Variants in TTC34 observed in about 807,000 individuals in gnomAD.
TTC34 encodes the protein tetratricopeptide repeat protein 34.
A neutral mutation model predicts 40.7 loss-of-function variants in TTC34; 44 were observed. The observed-to-expected ratio is 1.08, with a 90% CI of 0.85 to 1.39. TTC34 has a LOEUF of 1.39. TTC34 is among the 40% of genes most tolerant of loss of function. The pLI, the probability that TTC34 is intolerant of heterozygous loss-of-function variation, is 0.00. For missense variants in TTC34, 884 were observed against 838.0 expected (o/e 1.05, Z -0.68); for synonymous variants, 422 against 398.6 (o/e 1.06, Z -0.70).
At chr1:2,653,218 C>T (rs541625765) in intron 6 of TTC34, among the ~76,000 whole-genome samples, 5 of 146,496 alleles carry the variant, frequency 3.4e-5, no homozygotes, top group Middle Eastern at 8.4e-3. Context: ...CCCAGGTGAA[C>T]ATCTGACAGA....
rs72849544 is a variant in TTC34 at position 2,644,294 on chromosome 1, C to G, written c.2682G>C (p.Leu894=). The change falls in exon 8 of 9, where the codon CTG becomes CTC. Residue 894 remains leucine (L), a synonymous_variant. Transcript: ENST00000401095. ...CAAGGCTCTGCCGCTCCGAGGCCTCCAGGAGATGCAGCAGGCAGCTGAGAT... is the reference window on the plus strand; with the variant it reads ...CAAGGCTCTGCCGCTCCGAGGCCTCGAGGAGATGCAGCAGGCAGCTGAGAT... 3.3e-3 allele frequency: 5,099 copies of G among 1,535,368 alleles called. 133 individuals are homozygous for G. The African/African-American group carries it at 0.059, about 18-fold the overall frequency.
At chr1:2,686,737 CT>C (rs1640371091) in intron 6 of TTC34, among the ~76,000 whole-genome samples, 1 of 145,316 alleles carries the variant, frequency 6.9e-6, no homozygotes, top group African/African-American at 2.6e-5. Flanking sequence ...AGGCGAGCAT[CT>C]GACAGCCTGG....
At chr1:2,750,336 C>G (rs1308324581) in intron 6 of TTC34, among the ~76,000 whole-genome samples, 1 of 68,466 alleles carries the variant, frequency 1.5e-5, no homozygotes, top group Admixed American at 1.9e-4. Flanking sequence ...CCAGGTGAGC[C>G]TCTGACAGCC....
At chr1:2,769,711 C>T (rs1373662704) in intron 6 of TTC34, among the ~76,000 whole-genome samples, 6 of 144,868 alleles carry the variant, frequency 4.1e-5, no homozygotes, top group African/African-American at 1.6e-4. Context: ...AGCACCCACA[C>T]CCCCAGGTGA....
chr1:2,637,996 G>A (rs1455933368), exon 9 of TTC34: 1 of 152,198 alleles, frequency 6.6e-6, no homozygotes, highest in Non-Finnish European at 1.5e-5. Flanking sequence ...GGTTCTCTGA[G>A]CCTCTCCTTC....
chr1:2,753,312 G>T (rs1208600109), intron 6 of TTC34, among the ~76,000 whole-genome samples: 1 of 121,298 alleles, frequency 8.2e-6, no homozygotes, highest in Non-Finnish European at 1.6e-5. Context: ...GTGAGCATCC[G>T]ACAGCCTGGA....
At chr1:2,790,240 G>A (rs1643648301) in exon 3 of TTC34, 1 of 398,422 alleles carries the variant, frequency 2.5e-6, no homozygotes, top group East Asian at 3.6e-5. Context: ...CCCCAGAGGG[G>A]CTCTCGCGGA....
Position 2,800,449 on chromosome 1 carries a change from C to T in TTC34, c.379G>A (p.Ala127Thr), listed in dbSNP as rs892714601. 10 of 398,526 alleles carry T rather than the reference C, an allele frequency of 2.5e-5. 1 individual carries two copies. In the Middle Eastern group the frequency reaches 1.9e-3, roughly 75 times the overall value. The allele number at this position is 398,526 out of a possible 1,614,324, so 24.7% of individuals were successfully genotyped here. ...TGCTGTGCATGAGAGTCCAGCAGGG[C>T]GCTGCAGCGTTGCACCACTTCTTCG... The change falls in exon 2 of 9, where the codon GCC becomes ACC. Residue 127 changes from alanine (A) to threonine (T), a missense_variant. Coordinates refer to ENST00000401095, the Ensembl canonical transcript of TTC34.
intron 6 of TTC34, among the ~76,000 whole-genome samples, chr1:2,760,940 G>C (rs1410342955): frequency 5.4e-5 from 3 of 55,720 alleles, no homozygotes; most frequent in Non-Finnish European, 8.8e-5. Flanking sequence ...GTGAGCATCT[G>C]ACAGCCTGGA....
chr1:2,781,439 G>A (rs1348452424), intron 6 of TTC34, among the ~76,000 whole-genome samples: 2 of 152,006 alleles, frequency 1.3e-5, no homozygotes, highest in African/African-American at 4.8e-5. Context: ...TTTGTGTGTG[G>A]AATCTTTAGG....
At chr1:2,748,481 C>G in intron 6 of TTC34, among the ~76,000 whole-genome samples, 2 of 151,668 alleles carry the variant, frequency 1.3e-5, no homozygotes, top group African/African-American at 2.4e-5. Flanking sequence ...CACCCCACAT[C>G]CCCGGGTGAG....
At chr1:2,654,771 ACCCCGGGGCG>A (rs1639281733) in intron 6 of TTC34, among the ~76,000 whole-genome samples, 1,472 of 39,942 alleles carry the variant, frequency 0.037, no homozygotes, top group Middle Eastern at 0.1. Context: ...CAGCAACCAC[ACCCCGGGGCG>A]AGCATCTGAC....
At chr1:2,641,300 G>C (rs1238182999) in exon 9 of TTC34, 1 of 1,437,034 alleles carries the variant, frequency 7.0e-7, no homozygotes, top group Non-Finnish European at 9.1e-7. Flanking sequence ...GTACACCCCT[G>C]GGCCTGGACA....
intron 6 of TTC34, among the ~76,000 whole-genome samples, chr1:2,769,612 C>G (rs1273016947): frequency 7.5e-6 from 1 of 134,028 alleles, no homozygotes; most frequent in Non-Finnish European, 1.6e-5. Context: ...CATCTGACAG[C>G]CTGGAACAGC....
chr1:2,683,863 A>T (rs1640196090), intron 6 of TTC34, among the ~76,000 whole-genome samples: 2 of 151,348 alleles, frequency 1.3e-5, no homozygotes, highest in African/African-American at 4.9e-5. Context: ...AGCCTGGAGC[A>T]GAACCCACAC....
At chr1:2,787,080 G>C (rs1643600198) in intron 4 of TTC34, among the ~76,000 whole-genome samples, 1 of 152,186 alleles carries the variant, frequency 6.6e-6, no homozygotes, top group Admixed American at 6.5e-5. Flanking sequence ...CAGGAGGGAA[G>C]GTCCCCTCTG....
chr1:2,649,494 C>T (rs1004593736), intron 6 of TTC34, among the ~76,000 whole-genome samples: 8 of 151,640 alleles, frequency 5.3e-5, no homozygotes, highest in African/African-American at 1.9e-4. Context: ...CCAAGGTGAG[C>T]ATTTGACAGC....
chr1:2,750,814 C>T lies in TTC34; in HGVS notation c.2226+32795G>A, dbSNP rs1241158601. ...CTGGAGCAGCGCCCACACCCCCAGG[C>T]GAGCATCTGACAGCCTGGAGCAGTA... On this transcript the variant is annotated intron_variant, in intron 6 of 8. Transcript: ENST00000401095. Among the ~76,000 whole-genome samples the T allele has an allele frequency of 2.5e-4, 18 of 72,542 alleles. 1 individual carries two copies. Among genetic ancestry groups the T allele is most frequent in the South Asian group, 5.0e-4 (1 of 1,984 alleles). 47.6% of individuals were successfully genotyped at this position (72,542 alleles called of 152,430 possible).
intron 4 of TTC34, 26 bp downstream of exon 4, chr1:2,787,455 C>T: frequency 6.9e-7 from 1 of 1,450,008 alleles, no homozygotes; most frequent in East Asian, 2.5e-5. Context: ...TCCACCTGCC[C>T]TCTGTCACCC....
Sources: gnomAD v4.1 joint callset for allele counts (sites outside exome capture counted in the v4.1 genomes callset) on GRCh38, gnomAD v4.1.1 for gene constraint, MANE v1.5 for transcripts, NCBI Gene and HGNC (gene_info 2026-07-23, HGNC 2026-07-21) for gene names.